Variants in KRT24 observed in about 807,000 individuals in gnomAD.
KRT24 encodes the protein keratin, type I cytoskeletal 24.
Under a neutral mutation model 51.7 loss-of-function variants are expected in KRT24, and 44 were observed. That is an observed-to-expected ratio of 0.85 (90% CI 0.67 to 1.09). The LOEUF is 1.09. Among genes scored for constraint, KRT24 ranks in the 50% least tolerant of loss-of-function variants. The probability of loss-of-function intolerance (pLI) is 0.00; values close to 1 mark genes in which losing one functional copy is unlikely to be tolerated. For synonymous variants in KRT24, 241 were observed against 249.5 expected, an observed-to-expected ratio of 0.97 and a Z score of 0.32; for missense variants, 633 against 647.0, an observed-to-expected ratio of 0.98 and a Z score of 0.24.
chr17:40,700,921 A>T (rs555582489), intron 3 of KRT24, among the ~76,000 whole-genome samples: 2 of 152,040 alleles, frequency 1.3e-5, no homozygotes, highest in South Asian at 2.1e-4. Context: ...TTTTAGAGAC[A>T]CAGTATCTCT....
chr17:40,699,775 G>C lies in KRT24; in HGVS notation c.1144-114C>G. ...GCACCTTCGCCATATAACCTATATT[G>C]TTATATCATTGCTTCTTTAATTTTG... is the stretch of plus-strand genomic sequence containing the variant. On this transcript the variant is annotated intron_variant, in intron 5 of 7. Transcript: ENST00000264651. The C allele has an allele frequency of 2.9e-6, 3 of 1,018,608 alleles. No homozygotes were observed. The South Asian group carries it at 4.8e-5, about 16-fold the overall frequency. 63.1% of individuals were successfully genotyped at this position (1,018,608 alleles called of 1,614,324 possible). A position where few individuals can be genotyped will look rare whatever the true frequency, so the allele number is the denominator to read the frequency against.
chr17:40,698,000 A>G lies in KRT24; in HGVS notation c.*237T>C. ...AAAAAATAAGTAATAATTAACTTGC[A>G]AAAGTAAATTTATTGAAGCATAGAA... On this transcript the variant is annotated 3_prime_UTR_variant, in exon 8 of 8. Coordinates refer to ENST00000264651, the MANE Select transcript of KRT24 (RefSeq NM_019016.3). 2.1e-6 allele frequency: 1 copy of G among 480,254 alleles called. No homozygotes were observed. Among genetic ancestry groups the G allele is most frequent in the East Asian group, 3.6e-5 (1 of 27,518 alleles). 29.7% of individuals were successfully genotyped at this position (480,254 alleles called of 1,614,324 possible).
Position 40,701,879 on chromosome 17 carries a change from T to A in KRT24, c.670A>T (p.Arg224Ter), listed in dbSNP as rs759241586. The A allele has an allele frequency of 1.3e-6, 2 of 1,493,930 alleles. No homozygotes were observed. Among genetic ancestry groups the A allele is most frequent in the Non-Finnish European group, 1.8e-6 (2 of 1,114,306 alleles). 92.5% of individuals were successfully genotyped at this position (1,493,930 alleles called of 1,614,324 possible). A position where few individuals can be genotyped will look rare whatever the true frequency, so the allele number is the denominator to read the frequency against. ...AGIILHIDNA[R>*]LAADDFRLKY... ...AGTCTGAAGTCATCAGCAGCCAATC[T>A]GGCATTGTCAATGTGCAAAATGATC... is the stretch of plus-strand genomic sequence containing the variant. The change falls in exon 2 of 8, where the codon AGA becomes TGA. Residue 224 changes from arginine (R) to a stop codon, truncating the protein, a stop_gained. Transcript: ENST00000264651. LOFTEE classifies it high-confidence loss of function.
chr17:40,699,884 G>A, intron 5 of KRT24, 114 bp downstream of exon 5: 1 of 1,289,472 alleles, frequency 7.8e-7, no homozygotes, highest in South Asian at 1.3e-5. Context: ...TAATCATAAT[G>A]CAGTTCTCCT....
At position 40,701,723 on chromosome 17, in the gene KRT24, GTATATATATATATATATATATATATA is replaced by G. The variant is rs36205605; in HGVS notation, c.698+102_698+127del. 233 of 38,364 alleles carry G rather than the reference GTATATATATATATATATATATATATA, an allele frequency of 6.1e-3. 8 individuals carry two copies. Among genetic ancestry groups the G allele is most frequent in the Middle Eastern group, 0.011 (1 of 88 alleles). The allele number at this position is 38,364 out of a possible 1,614,324, so 2.4% of individuals were successfully genotyped here. Reference sequence around the variant, plus strand: ...TGTAAATTTAGGTCATGATCCTCTAGTATATATATATATATATATATATATATATATATATATATATATATATATAT... The same window carrying G: ...TGTAAATTTAGGTCATGATCCTCTAGTATATATATATATATATATATATAT... On this transcript the variant is annotated intron_variant, in intron 2 of 7. Coordinates refer to ENST00000264651, the MANE Select transcript of KRT24 (RefSeq NM_019016.3).
chr17:40,703,233 T>G lies in KRT24; in HGVS notation c.461A>C (p.Tyr154Ser). ...CTCCAGGGCTCTGACCTTGTCTAGG[T>G]AATTGGCCAAGCGGTCATTGAGGTT... ...MQNLNDRLAN[Y>S]LDKVRALEEA... The change falls in exon 1 of 8, where the codon TAC (tyrosine) becomes TCC (serine). Residue 154 changes from tyrosine (Y) to serine (S), a missense_variant. Physicochemically the swap from Tyr to Ser is moderately radical, Grantham distance 144. Transcript: ENST00000264651. 6.2e-7 allele frequency: 1 copy of G among 1,614,092 alleles called. No homozygotes were observed. Among genetic ancestry groups the G allele is most frequent in the Non-Finnish European group, 8.5e-7 (1 of 1,180,014 alleles).
intron 7 of KRT24, 49 bp downstream of exon 7, chr17:40,698,489 T>C (rs1046984507): frequency 8.2e-7 from 1 of 1,221,038 alleles, no homozygotes; most frequent in African/African-American, 1.5e-5. Context: ...GCAAAGTATG[T>C]CTTCACTTTT....
At chr17:40,700,485 A>T in intron 3 of KRT24, 102 bp from the exon 4 acceptor site, 1 of 324,486 alleles carries the variant, frequency 3.1e-6, no homozygotes, top group South Asian at 6.5e-5. Flanking sequence ...CACTGAAAGG[A>T]AAAAAAAAAA....
At chr17:40,698,709 C>G (rs186682225) in intron 6 of KRT24, 59 bp from the exon 7 acceptor site, 11 of 827,080 alleles carry the variant, frequency 1.3e-5, no homozygotes, top group Non-Finnish European at 2.1e-5. Context: ...AGAAAGCCTC[C>G]GCCCCGGGGA....
intron 6 of KRT24, 124 bp downstream of exon 6, chr17:40,699,320 G>T: frequency 1.3e-6 from 1 of 745,700 alleles, no homozygotes; most frequent in African/African-American, 1.7e-5. Flanking sequence ...GCCACTGCAC[G>T]CAGCCTGTGT....
At chr17:40,701,328 T>C (rs750920296) in intron 2 of KRT24, 32 bp from the exon 3 acceptor site, 13 of 1,601,658 alleles carry the variant, frequency 8.1e-6, no homozygotes, top group East Asian at 4.5e-5. Context: ...CAAAAAATAC[T>C]GTGAGCTCAC....
At chr17:40,699,871 C>G (rs2037654032) in intron 5 of KRT24, 127 bp downstream of exon 5, 1 of 1,267,138 alleles carries the variant, frequency 7.9e-7, no homozygotes, top group South Asian at 1.4e-5. Flanking sequence ...TTAATGCTTT[C>G]TATAATCATA....
At chr17:40,701,777 A>ATATATATATATATATT (rs1567863161) in intron 2 of KRT24, 74 bp downstream of exon 2, 1 of 35,320 alleles carries the variant, frequency 2.8e-5, no homozygotes, top group Non-Finnish European at 5.4e-5. Context: ...ATATATATAT[A>ATATATATATATATATT]TATTTATTTA....
intron 2 of KRT24, 102 bp from the exon 3 acceptor site, chr17:40,701,398 G>A (rs1362930578): frequency 2.2e-6 from 2 of 910,640 alleles, no homozygotes; most frequent in African/African-American, 3.4e-5. Flanking sequence ...CTCACTTGTG[G>A]GCATTTTAAT....
At position 40,701,931 on chromosome 17, in the gene KRT24, G is replaced by C; in HGVS notation, c.618C>G (p.Ile206Met). The C allele has an allele frequency of 6.5e-7, 1 of 1,529,274 alleles. No homozygotes were observed. The highest frequency in any genetic ancestry group is 1.2e-5 in the South Asian group (1 of 81,180). 94.7% of individuals were successfully genotyped at this position (1,529,274 alleles called of 1,614,324 possible). Reference protein sequence around the residue: ...YSIIEDLRNQIIAATVENAGI... With the variant: ...YSIIEDLRNQMIAATVENAGI... The stretch of plus-strand genomic sequence containing the variant: ...CAGCATTTTCAACAGTGGCAGCAAT[G>C]ATCTAAAAAAGATGTTAATAGTGAG... Residue 206 changes from isoleucine to methionine, a missense_variant and splice_region_variant, in exon 2 of 8, where the codon ATC (isoleucine) becomes ATG (methionine). By Grantham distance (10) the Ile-to-Met change is conservative. Coordinates refer to ENST00000264651, the MANE Select transcript of KRT24 (RefSeq NM_019016.3).
At position 40,703,179 on chromosome 17, in the gene KRT24, A is replaced by AT; in HGVS notation, c.514dup (p.Ile172AsnfsTer6). ...CCCATATTTGTCATACCACTCCTTGATTTTGTTCTCCAGATCAGTGTTAGC... is the reference window on the plus strand; with the variant it reads ...CCCATATTTGTCATACCACTCCTTGATTTTTGTTCTCCAGATCAGTGTTAGC... On this transcript the variant is annotated frameshift_variant, in exon 1 of 8. Transcript: ENST00000264651. LOFTEE classifies it high-confidence loss of function. 1.2e-6 allele frequency: 2 copies of AT among 1,613,958 alleles called. No homozygotes were observed. The highest frequency in any genetic ancestry group is 4.5e-5 in the East Asian group (2 of 44,866).
chr17:40,698,327 A>G lies in KRT24; in HGVS notation c.1488T>C (p.Thr496=). The G allele has an allele frequency of 6.2e-7, 1 of 1,609,156 alleles. No individual in the cohort carries two copies. Residue 496 remains threonine, a synonymous_variant, in exon 8 of 8, where the codon ACT becomes ACC. Transcript: ENST00000264651. ...CSGQGRDSSK[T]RVTKTIVEEL... ...CCTCTACGATAGTCTTAGTCACTCT[A>G]GTCTTGCTTGAATCTGAAAATCATG...
At chr17:40,700,155 C>A in intron 4 of KRT24, 32 bp from the exon 5 acceptor site, 1 of 1,613,998 alleles carries the variant, frequency 6.2e-7, no homozygotes, top group Non-Finnish European at 8.5e-7. Context: ...CTGTTGTAGG[C>A]TGATGAAAGG....
rs770967949 is a variant in KRT24, at chr17:40,699,590, C to T, written c.1215G>A (p.Thr405=). 18 of 1,614,026 alleles carry T rather than the reference C, an allele frequency of 1.1e-5. No individual in the cohort carries two copies. The highest frequency in any genetic ancestry group is 1.1e-4 in the African/African-American group (8 of 74,900). The change falls in exon 6 of 8, where the codon ACG becomes ACA. Residue 405 remains threonine, a synonymous_variant. Coordinates refer to ENST00000264651, the MANE Select transcript of KRT24 (RefSeq NM_019016.3). ...TCTCCTCCTCCAGGGCACTGATCTG[C>T]GTTTGAATTTCTGACAGCTGAGCCA... The part of the protein sequence containing the change: ...GYVAQLSEIQ[T]QISALEEEIC...
Sources: gnomAD v4.1 joint callset for allele counts (sites outside exome capture counted in the v4.1 genomes callset) on GRCh38, gnomAD v4.1.1 for gene constraint, MANE v1.5 for transcripts, NCBI Gene and HGNC (gene_info 2026-07-23, HGNC 2026-07-21) for gene names.